Variants in SPMIP2 observed in about 807,000 individuals in gnomAD.
The protein encoded by SPMIP2 is sperm microtubule inner protein 2, also known as protein SPMIP2.
the SPMIP2 span, among the ~76,000 whole-genome samples, chr4:158,946,061 C>G: frequency 6.6e-6 from 1 of 152,080 alleles, no homozygotes; most frequent in Non-Finnish European, 1.5e-5. Flanking sequence ...GATGACAGAC[C>G]AGTGAATTGA....
the SPMIP2 span, among the ~76,000 whole-genome samples, chr4:159,059,923 G>A: frequency 2.0e-5 from 3 of 152,172 alleles, no homozygotes; most frequent in Non-Finnish European, 4.4e-5. Flanking sequence ...AGAAAGCACA[G>A]GGGCCAAACA....
At chr4:158,977,478 C>G in the SPMIP2 span, among the ~76,000 whole-genome samples, 1 of 151,288 alleles carries the variant, frequency 6.6e-6, no homozygotes, top group Non-Finnish European at 1.5e-5. Context: ...TTTGAATATT[C>G]TCTCCTTTCT....
the SPMIP2 span, among the ~76,000 whole-genome samples, chr4:158,964,930 A>C: frequency 6.6e-6 from 1 of 152,292 alleles, no homozygotes; most frequent in African/African-American, 2.4e-5. Context: ...CCACAATCCA[A>C]CTACCTCCCA....
the SPMIP2 span, among the ~76,000 whole-genome samples, chr4:158,949,857 C>T: frequency 6.6e-6 from 1 of 152,146 alleles, no homozygotes; most frequent in Non-Finnish European, 1.5e-5. Context: ...GATCTTGCTT[C>T]TATTACAAAG....
chr4:159,006,065 T>C, the SPMIP2 span, among the ~76,000 whole-genome samples: 5 of 152,196 alleles, frequency 3.3e-5, no homozygotes, highest in Non-Finnish European at 7.3e-5. Flanking sequence ...CGCCTGACCC[T>C]CTTTTAATTT....
At chr4:158,945,406 T>G in the SPMIP2 span, among the ~76,000 whole-genome samples, 1 of 152,276 alleles carries the variant, frequency 6.6e-6, no homozygotes, top group African/African-American at 2.4e-5. Flanking sequence ...TGCTGCAAAA[T>G]TATTGATTTA....
chr4:158,972,125 G>A, the SPMIP2 span, among the ~76,000 whole-genome samples: 8 of 152,204 alleles, frequency 5.3e-5, no homozygotes, highest in Non-Finnish European at 1.2e-4. Context: ...ACTTTGGGAG[G>A]CCGACGCAGG....
chr4:159,045,978 G>A, the SPMIP2 span, among the ~76,000 whole-genome samples: 2 of 152,182 alleles, frequency 1.3e-5, no homozygotes, highest in Admixed American at 6.5e-5. Context: ...GGCCGGGCAC[G>A]GTGGCTCCTG....
chr4:158,972,102 C>T, the SPMIP2 span, among the ~76,000 whole-genome samples: 2 of 152,220 alleles, frequency 1.3e-5, no homozygotes, highest in African/African-American at 4.8e-5. Flanking sequence ...TGGCTCACGC[C>T]TATAACCCCA....
chr4:159,034,111 T>C, the SPMIP2 span, among the ~76,000 whole-genome samples: 1 of 152,218 alleles, frequency 6.6e-6, no homozygotes, highest in Non-Finnish European at 1.5e-5. Flanking sequence ...CACCCTAGTC[T>C]GGGCAACAGG....
chr4:158,988,771 C>G, the SPMIP2 span, among the ~76,000 whole-genome samples: 1 of 152,106 alleles, frequency 6.6e-6, no homozygotes, highest in Non-Finnish European at 1.5e-5. Flanking sequence ...AAACCCACAG[C>G]CAATATCATA....
chr4:158,953,419 C>A, the SPMIP2 span, among the ~76,000 whole-genome samples: 1 of 152,216 alleles, frequency 6.6e-6, no homozygotes, highest in East Asian at 1.9e-4. Flanking sequence ...GGTTTGAGAA[C>A]CTCTGCCTAG....
the SPMIP2 span, among the ~76,000 whole-genome samples, chr4:159,029,027 A>C: frequency 3.9e-5 from 6 of 152,144 alleles, no homozygotes; most frequent in Non-Finnish European, 8.8e-5. Flanking sequence ...TCCAGGAGGC[A>C]GAGACTGCAG....
At chr4:158,968,497 G>T in the SPMIP2 span, among the ~76,000 whole-genome samples, 1 of 152,120 alleles carries the variant, frequency 6.6e-6, no homozygotes, top group Non-Finnish European at 1.5e-5. Flanking sequence ...AAATGATAAC[G>T]CAACTGTGTA....
the SPMIP2 span, among the ~76,000 whole-genome samples, chr4:159,061,220 C>T: frequency 6.6e-6 from 1 of 151,532 alleles, no homozygotes; most frequent in Non-Finnish European, 1.5e-5. Flanking sequence ...TGAAGTTTGG[C>T]CTCTATTGGA....
chr4:158,930,919 CAG>C, the SPMIP2 span, among the ~76,000 whole-genome samples: 17 of 102,194 alleles, frequency 1.7e-4, no homozygotes, highest in South Asian at 2.9e-3. Context: ...TTATCTTACT[CAG>C]AGTTTGTTAA....
the SPMIP2 span, among the ~76,000 whole-genome samples, chr4:159,082,449 C>CTCTGTGTGTGTG: frequency 6.3e-4 from 70 of 111,656 alleles, no homozygotes; most frequent in Middle Eastern, 4.5e-3. Flanking sequence ...CCACTTTTCT[C>CTCTGTGTGTGTG]TGTGTGTGTG....
the SPMIP2 span, among the ~76,000 whole-genome samples, chr4:158,979,910 G>A: frequency 4.7e-5 from 7 of 150,336 alleles, no homozygotes; most frequent in South Asian, 2.1e-4. Context: ...CTAGCTCAGC[G>A]GATCCCCTCC....
the SPMIP2 span, among the ~76,000 whole-genome samples, chr4:159,002,766 G>GCACACACACACACACACACACA: frequency 2.7e-5 from 4 of 148,092 alleles, no homozygotes; most frequent in Non-Finnish European, 4.5e-5. Flanking sequence ...ACATATCACT[G>GCACACACACACACACACACACA]CACACACACA....
Sources: allele counts gnomAD v4.1 joint callset (sites outside exome capture counted in the v4.1 genomes callset), GRCh38; gene constraint gnomAD v4.1.1; transcripts MANE v1.5; gene names NCBI Gene and HGNC (gene_info 2026-07-23, HGNC 2026-07-21).